The following CENPM variants were observed in gnomAD, a reference collection of about 807,000 sequenced individuals.
CENPM encodes the protein interphase centromere complex protein 39.
Under a neutral mutation model 19.6 loss-of-function variants are expected in CENPM, and 14 were observed. The observed-to-expected ratio is 0.71, with a 90% CI of 0.47 to 1.11. The LOEUF (loss-of-function observed/expected upper bound fraction) is 1.11, where lower values mean the gene tolerates loss of function less well. Among genes scored for constraint, CENPM ranks in the 50% most tolerant of loss-of-function variants. CENPM has a pLI of 0.00. For missense variants in CENPM, 239 were observed against 228.4 expected (o/e 1.05, Z -0.30); for synonymous variants, 114 against 101.5 (o/e 1.12, Z -0.74).
intron 5 of CENPM, among the ~76,000 whole-genome samples, chr22:41,939,876 G>GAA (rs1158915317): frequency 9.7e-6 from 1 of 103,184 alleles, no homozygotes. Flanking sequence ...AAGAAAGAAA[G>GAA]AAAAAGAAAG....
At chr22:41,937,715 G>C (rs759619870), downstream of CENPM, among the ~76,000 whole-genome samples, 2 of 152,182 alleles carry the variant, frequency 1.3e-5, no homozygotes, top group Non-Finnish European at 2.9e-5. Flanking sequence ...GACAAGGTGA[G>C]CAGAACCTCA....
intron 5 of CENPM, among the ~76,000 whole-genome samples, chr22:41,941,204 G>A (rs561210583): frequency 1.6e-4 from 25 of 152,266 alleles, no homozygotes; most frequent in Non-Finnish European, 2.9e-4. Context: ...GAACGGGGCC[G>A]GTAATTCCTG....
chr22:41,940,014 C>T, intron 5 of CENPM: 1 of 633,152 alleles, frequency 1.6e-6, no homozygotes, highest in Non-Finnish European at 2.9e-6. Context: ...ACATCCCTCC[C>T]TGGCCCCAAG....
downstream of CENPM, among the ~76,000 whole-genome samples, chr22:41,935,280 G>T (rs977765244): frequency 8.5e-5 from 13 of 152,080 alleles, no homozygotes; most frequent in Non-Finnish European, 1.8e-4. Flanking sequence ...ATGCGGGCAT[G>T]GGGGGGAGGG....
At chr22:41,933,480 G>A in the CENPM span, among the ~76,000 whole-genome samples, 6 of 152,056 alleles carry the variant, frequency 3.9e-5, no homozygotes, top group Non-Finnish European at 8.8e-5. Context: ...CCCCAAGTTC[G>A]GCTGGCATAC....
chr22:41,944,884 C>T, intron 4 of CENPM: 1 of 1,112,920 alleles, frequency 9.0e-7, no homozygotes, highest in Non-Finnish European at 1.1e-6. Flanking sequence ...GAAAGGCTGA[C>T]AACAGGTCAG....
At chr22:41,944,987 A>G in intron 4 of CENPM, 2 of 1,362,034 alleles carry the variant, frequency 1.5e-6, no homozygotes, top group Non-Finnish European at 1.9e-6. Context: ...TTATGTAGTT[A>G]AAACTTGTGT....
chr22:41,945,091 A>G, intron 4 of CENPM, 134 bp downstream of exon 4: 4 of 1,538,140 alleles, frequency 2.6e-6, no homozygotes, highest in Non-Finnish European at 3.5e-6. Context: ...CCTGCCCTCC[A>G]CCCTCCGATA....
chr22:41,940,115 G>A, intron 5 of CENPM: 1 of 761,868 alleles, frequency 1.3e-6, no homozygotes. Context: ...TTGTGCTGCA[G>A]CCACCCAGGC....
At chr22:41,927,510 C>A in the CENPM span, among the ~76,000 whole-genome samples, 1 of 145,010 alleles carries the variant, frequency 6.9e-6, no homozygotes, top group Non-Finnish European at 1.5e-5. Flanking sequence ...TATCAGACAC[C>A]TGCTTTTTTT....
the CENPM span, among the ~76,000 whole-genome samples, chr22:41,928,829 T>C: frequency 6.7e-6 from 1 of 150,130 alleles, no homozygotes; most frequent in East Asian, 2.0e-4. The surrounding 1 kb of genome is among the most constrained non-coding windows in gnomAD (Gnocchi z 4.0). Context: ...TCTCTGGCAC[T>C]GTGGCCCACG....
At chr22:41,928,133 C>T in the CENPM span, 1 of 395,298 alleles carries the variant, frequency 2.5e-6, no homozygotes, top group Non-Finnish European at 5.0e-6. The surrounding 1 kb of genome is among the most constrained non-coding windows in gnomAD (Gnocchi z 4.0). Context: ...CACGAGGGAG[C>T]CACTGGGGCT....
chr22:41,944,925 G>A (rs1189364437), intron 4 of CENPM: 6 of 1,223,548 alleles, frequency 4.9e-6, no homozygotes, highest in East Asian at 4.3e-5. Context: ...GTGTTCTTTC[G>A]GTTTTTAAAT....
At chr22:41,943,147 G>C (rs1186329339) in intron 5 of CENPM, among the ~76,000 whole-genome samples, 1 of 152,120 alleles carries the variant, frequency 6.6e-6, no homozygotes, top group Non-Finnish European at 1.5e-5. Context: ...AAATCAGAGA[G>C]TTAAGGGGAA....
intron 2 of CENPM, 22 bp downstream of exon 2, chr22:41,946,395 G>A (rs1473940681): frequency 3.1e-6 from 5 of 1,607,760 alleles, no homozygotes; most frequent in Non-Finnish European, 4.3e-6. Flanking sequence ...CGTGGGCCCA[G>A]GCCACAGCCG....
chr22:41,946,717 C>T (rs1229258919), intron 1 of CENPM: 18 of 594,840 alleles, frequency 3.0e-5, no homozygotes, highest in South Asian at 2.8e-4. Flanking sequence ...ACCCGACCCT[C>T]GCTCCCACCG....
chr22:41,940,037 TC>T, intron 5 of CENPM: 3 of 668,604 alleles, frequency 4.5e-6, no homozygotes, highest in Middle Eastern at 2.6e-4. Context: ...CTCCAGCAGC[TC>T]CCCACCAGGC....
chr22:41,945,452 T>TC (rs1172324881), intron 3 of CENPM, 148 bp from the exon 4 acceptor site: 6 of 1,403,030 alleles, frequency 4.3e-6, no homozygotes, highest in African/African-American at 1.5e-5. Flanking sequence ...CTTTAATTTT[T>TC]TTTTTTTTTT....
intron 5 of CENPM, among the ~76,000 whole-genome samples, chr22:41,940,632 C>T (rs1347878447): frequency 6.6e-6 from 1 of 152,148 alleles, no homozygotes; most frequent in Admixed American, 6.5e-5. Flanking sequence ...GTGATCCTTC[C>T]ACCTCGGCCT....
Sources: gnomAD v4.1 joint callset for allele counts (sites outside exome capture counted in the v4.1 genomes callset) on GRCh38, gnomAD v4.1.1 for gene constraint, Gnocchi (gnomAD v3.1) non-coding constraint, MANE v1.5 for transcripts, NCBI Gene and HGNC (gene_info 2026-07-23, HGNC 2026-07-21) for gene names.